The following ABCC4 variants were observed in gnomAD, a reference collection of about 807,000 sequenced individuals.
The protein encoded by ABCC4 is ATP-binding cassette sub-family C member 4.
In ABCC4, 102 loss-of-function variants were observed where a neutral mutation model predicts 168.5. The ratio of observed to expected loss-of-function variants is 0.61; its 90% confidence interval spans 0.52 to 0.71. The LOEUF (loss-of-function observed/expected upper bound fraction) is 0.71. ABCC4 is among the 30% of genes least tolerant of loss of function. The pLI is 0.00. For missense variants in ABCC4, 1,402 were observed against 1,605.8 expected, an observed-to-expected ratio of 0.87 and a Z score of 2.17; for synonymous variants, 617 against 590.7, an observed-to-expected ratio of 1.04 and a Z score of -0.65.
chr13:95,260,892 T>C (rs1285505149), intron 1 of ABCC4, among the ~76,000 whole-genome samples: 1 of 151,538 alleles, frequency 6.6e-6, no homozygotes, highest in Admixed American at 6.6e-5. Context: ...TCAAGCAAAC[T>C]AGATCCCTTC....
intron 19 of ABCC4, among the ~76,000 whole-genome samples, chr13:95,160,072 C>T (rs1189366208): frequency 6.6e-6 from 1 of 152,034 alleles, no homozygotes; most frequent in East Asian, 1.9e-4. Context: ...AACTGTGACA[C>T]AGAAAAATTA....
At chr13:95,168,755 G>A (rs1268218392) in intron 14 of ABCC4, among the ~76,000 whole-genome samples, 2 of 152,250 alleles carry the variant, frequency 1.3e-5, no homozygotes, top group East Asian at 3.9e-4. Flanking sequence ...AAGGAGTGCT[G>A]CATGAAACCA....
chr13:95,200,631 G>A (rs936196751), intron 8 of ABCC4, among the ~76,000 whole-genome samples: 3 of 152,124 alleles, frequency 2.0e-5, no homozygotes, highest in Non-Finnish European at 4.4e-5. Context: ...TGAGGCAGGA[G>A]AATCACTTGA....
intron 30 of ABCC4, among the ~76,000 whole-genome samples, chr13:95,024,786 T>C (rs1193375790): frequency 6.6e-6 from 1 of 152,198 alleles, no homozygotes; most frequent in Non-Finnish European, 1.5e-5. Flanking sequence ...TTTAATATAA[T>C]GGAGTAATGA....
intron 1 of ABCC4, among the ~76,000 whole-genome samples, chr13:95,281,903 T>TC (rs546312574): frequency 4.6e-5 from 7 of 152,258 alleles, no homozygotes; most frequent in Middle Eastern, 3.4e-3. Flanking sequence ...GGTTAGGAGT[T>TC]CGAGACCAGG....
intron 1 of ABCC4, among the ~76,000 whole-genome samples, chr13:95,294,610 G>A (rs926032171): frequency 1.3e-5 from 2 of 152,130 alleles, no homozygotes; most frequent in Non-Finnish European, 2.9e-5. Context: ...ACTTCCTATT[G>A]GCCAGGTCTC....
At chr13:95,264,029 A>G (rs2040604275) in intron 1 of ABCC4, among the ~76,000 whole-genome samples, 1 of 152,230 alleles carries the variant, frequency 6.6e-6, no homozygotes, top group Admixed American at 6.5e-5. Context: ...TCCCGACAAC[A>G]TGTCCAAAGG....
intron 1 of ABCC4, among the ~76,000 whole-genome samples, chr13:95,248,290 A>G (rs879906480): frequency 6.6e-6 from 1 of 152,236 alleles, no homozygotes; most frequent in Non-Finnish European, 1.5e-5. Flanking sequence ...TTACTGAGAC[A>G]TAAATGGGGT....
chr13:95,155,534 G>A (rs2036826375), intron 19 of ABCC4, among the ~76,000 whole-genome samples: 1 of 152,010 alleles, frequency 6.6e-6, no homozygotes, highest in Non-Finnish European at 1.5e-5. Context: ...TTTATCTAGT[G>A]TTTTAGCTCT....
chr13:95,106,652 T>G (rs1411757209), intron 20 of ABCC4, among the ~76,000 whole-genome samples: 2 of 151,536 alleles, frequency 1.3e-5, no homozygotes, highest in Non-Finnish European at 2.9e-5. Context: ...AAAGAGGGAG[T>G]AGAAGAAAAT....
At chr13:95,187,127 C>T (rs1383988262) in intron 10 of ABCC4, among the ~76,000 whole-genome samples, 1 of 152,144 alleles carries the variant, frequency 6.6e-6, no homozygotes, top group East Asian at 1.9e-4. Context: ...TAATGAGTTT[C>T]CCTAAATGAG....
chr13:95,164,635 T>A (rs555310550), intron 15 of ABCC4, 117 bp from the exon 16 acceptor site: 13 of 1,066,462 alleles, frequency 1.2e-5, no homozygotes, highest in East Asian at 2.5e-5. Context: ...AAATGATCCA[T>A]CTCCTGTGGA....
intron 29 of ABCC4, among the ~76,000 whole-genome samples, chr13:95,036,063 T>C (rs2032106880): frequency 1.3e-5 from 2 of 152,198 alleles, no homozygotes; most frequent in Non-Finnish European, 2.9e-5. Flanking sequence ...ACAATTAAAA[T>C]GTCCTATAAT....
In ABCC4 at chr13:95,093,395, G is replaced by A. The variant is rs914732484; in HGVS notation, c.2536-10105C>T. Among the ~76,000 whole-genome samples, 28 of 152,082 alleles carry A rather than the reference G, an allele frequency of 1.8e-4. 1 individual carries two copies. The highest frequency in any genetic ancestry group is 1.8e-3 in the Admixed American group (28 of 15,258). On this transcript the variant is annotated intron_variant, in intron 20 of 30. Coordinates refer to ENST00000645237, the MANE Select transcript of ABCC4 (RefSeq NM_005845.5). Reference sequence around the variant, plus strand: ...TGTAGAGATGGTTTAACATATGCAAGTCAATAAATGTGATACACCACATAA... The same window carrying A: ...TGTAGAGATGGTTTAACATATGCAAATCAATAAATGTGATACACCACATAA...
intron 1 of ABCC4, among the ~76,000 whole-genome samples, chr13:95,285,329 T>C (rs1433498774): frequency 6.6e-6 from 1 of 151,892 alleles, no homozygotes; most frequent in African/African-American, 2.4e-5. Flanking sequence ...GGCGGGAGGA[T>C]CACTTGAGGA....
At chr13:95,225,149 TCTCTCACACACACACACACACACACACA>T (rs1174804916) in intron 4 of ABCC4, among the ~76,000 whole-genome samples, 2,847 of 100,234 alleles carry the variant, frequency 0.028, 62 homozygotes, top group Non-Finnish European at 0.038. Flanking sequence ...TGTCTCTCTC[TCTCTCACACACACACACACACACACACA>T]CACACACACA....
intron 4 of ABCC4, among the ~76,000 whole-genome samples, chr13:95,224,629 C>T (rs966207546): frequency 6.6e-6 from 1 of 151,688 alleles, no homozygotes; most frequent in East Asian, 1.9e-4. Context: ...CCCAGCTACT[C>T]GGGAGGCTGA....
At chr13:95,212,683 A>C (rs745623674) in intron 4 of ABCC4, among the ~76,000 whole-genome samples, 27 of 152,114 alleles carry the variant, frequency 1.8e-4, no homozygotes, top group Non-Finnish European at 1.3e-4. Flanking sequence ...AGGTGGAATA[A>C]AAGGCTGGGC....
intron 19 of ABCC4, among the ~76,000 whole-genome samples, chr13:95,144,716 A>G (rs2036431885): frequency 6.6e-6 from 1 of 152,144 alleles, no homozygotes; most frequent in Admixed American, 6.6e-5. Flanking sequence ...ATTAGAAAAC[A>G]TGGCTGAAAA....
Sources: allele counts gnomAD v4.1 joint callset (sites outside exome capture counted in the v4.1 genomes callset), GRCh38; gene constraint gnomAD v4.1.1; transcripts MANE v1.5; gene names NCBI Gene and HGNC (gene_info 2026-07-23, HGNC 2026-07-21).